Variants in PRMT3 observed in about 807,000 individuals in gnomAD.
The protein encoded by PRMT3 is protein arginine N-methyltransferase 3.
Under a neutral mutation model 71.9 loss-of-function variants are expected in PRMT3, and 62 were observed. The ratio of observed to expected loss-of-function variants is 0.86; its 90% CI spans 0.70 to 1.07. The LOEUF (loss-of-function observed/expected upper bound fraction) is 1.07, where lower values mean the gene tolerates loss of function less well. Among genes scored for constraint, PRMT3 ranks in the 50% least tolerant of loss-of-function variants. PRMT3 has a pLI of 0.00. For missense variants in PRMT3, 663 were observed against 643.0 expected (o/e 1.03, Z -0.34); for synonymous variants, 213 against 220.4 (o/e 0.97, Z 0.30).
At chr11:20,493,623 G>GTC (rs900706193) in intron 13 of PRMT3, among the ~76,000 whole-genome samples, 1 of 151,104 alleles carries the variant, frequency 6.6e-6, no homozygotes, top group East Asian at 1.9e-4. Context: ...GGCCAGCTGA[G>GTC]TCTCTCTCTC....
At chr11:20,500,919 A>C (rs1380831455) in intron 15 of PRMT3, among the ~76,000 whole-genome samples, 1 of 151,984 alleles carries the variant, frequency 6.6e-6, no homozygotes, top group African/African-American at 2.4e-5. Flanking sequence ...ATAAAATACA[A>C]ACTCCTATGT....
intron 15 of PRMT3, among the ~76,000 whole-genome samples, chr11:20,501,112 TC>T (rs1050388819): frequency 1.6e-4 from 24 of 152,324 alleles, no homozygotes; most frequent in African/African-American, 5.8e-4. Flanking sequence ...CTTGATAAAT[TC>T]CAATTTACCC....
intron 5 of PRMT3, among the ~76,000 whole-genome samples, chr11:20,394,391 A>G (rs947596786): frequency 6.6e-6 from 1 of 152,196 alleles, no homozygotes; most frequent in Non-Finnish European, 1.5e-5. Flanking sequence ...CTTGCCCAGG[A>G]TGAAAAATTA....
chr11:20,437,565 T>A lies in PRMT3; in HGVS notation c.993+10700T>A, dbSNP rs573323416. Among the ~76,000 whole-genome samples the A allele has an allele frequency of 6.6e-5, 10 of 151,590 alleles. No individual in the cohort carries two copies. In the South Asian group the frequency reaches 2.1e-3, roughly 32 times the overall value. On this transcript the variant is annotated intron_variant, in intron 10 of 15. Transcript: ENST00000331079. ...CAGTGGTATAGGCTGTAGAAGTTTG[T>A]GGCAGTGGTGGCAGCAGCATAGTTT...
chr11:20,428,045 A>G (rs1190135328), intron 10 of PRMT3, among the ~76,000 whole-genome samples: 4 of 151,056 alleles, frequency 2.6e-5, no homozygotes, highest in Non-Finnish European at 5.9e-5. Flanking sequence ...TGACAGTCAC[A>G]GTTGTTGACA....
chr11:20,439,827 A>G (rs1025988634), intron 10 of PRMT3, among the ~76,000 whole-genome samples: 8 of 152,216 alleles, frequency 5.3e-5, no homozygotes, highest in African/African-American at 1.4e-4. Context: ...AGCAGCCTGT[A>G]TACTCTTATG....
At position 20,420,131 on chromosome 11, in the gene PRMT3, C is replaced by T. The variant is rs1376943992; in HGVS notation, c.894-6635C>T. Among the ~76,000 whole-genome samples the T allele has an allele frequency of 2.0e-5, 3 of 152,070 alleles. No homozygotes were observed. In the East Asian group the frequency reaches 5.8e-4, roughly 29 times the overall value. ...AGGTTGCAGTGAGCTGAGATCGTGC[C>T]ACAGCACTCTAGCCTGGGTGATAGA... On this transcript the variant is annotated intron_variant, in intron 9 of 15. Coordinates refer to ENST00000331079, the MANE Select transcript of PRMT3 (RefSeq NM_005788.4).
intron 13 of PRMT3, among the ~76,000 whole-genome samples, chr11:20,482,816 AAAGACAAGTCAAGTCAAAAATTTG>A (rs1850972447): frequency 1.1e-3 from 1 of 944 alleles, no homozygotes. Flanking sequence ...CTCCTCATGG[AAAGACAAGTCAAGTCAAAAATTTG>A]GAAAGACAAG....
At chr11:20,412,738 T>G (rs200822429) in intron 9 of PRMT3, among the ~76,000 whole-genome samples, 1 of 8,804 alleles carries the variant, frequency 1.1e-4, no homozygotes, top group Non-Finnish European at 4.9e-3. Context: ...CTAACATTAA[T>G]TTAGTTTTTT....
chr11:20,484,853 G>GCTAT (rs1851033761), intron 13 of PRMT3, among the ~76,000 whole-genome samples: 1 of 152,162 alleles, frequency 6.6e-6, no homozygotes, highest in South Asian at 2.1e-4. Flanking sequence ...AAAGTTAAAT[G>GCTAT]CTATCTGTTT....
In PRMT3 at chr11:20,424,140, C is replaced by T. The variant is rs941558447; in HGVS notation, c.894-2626C>T. On this transcript the variant is annotated intron_variant, in intron 9 of 15. Coordinates refer to ENST00000331079, the MANE Select transcript of PRMT3 (RefSeq NM_005788.4). Reference sequence around the variant, plus strand: ...TGGAGCTTACAGTGAGCCGAGATCGCGCCACTGCACTCCAGCCTGGGCAAC... The same window carrying T: ...TGGAGCTTACAGTGAGCCGAGATCGTGCCACTGCACTCCAGCCTGGGCAAC... Among the ~76,000 whole-genome samples, 8 of 148,320 alleles carry T rather than the reference C, an allele frequency of 5.4e-5. 1 individual carries two copies. Among genetic ancestry groups the T allele is most frequent in the African/African-American group, 7.5e-5 (3 of 40,016 alleles).
chr11:20,428,609 T>G (rs2133354959), intron 10 of PRMT3, among the ~76,000 whole-genome samples: 1 of 152,338 alleles, frequency 6.6e-6, no homozygotes, highest in South Asian at 2.1e-4. Context: ...TTCATGAGAT[T>G]GTCTTTATGA....
At chr11:20,463,470 TTC>T (rs1300537274) in intron 12 of PRMT3, among the ~76,000 whole-genome samples, 3 of 152,112 alleles carry the variant, frequency 2.0e-5, no homozygotes, top group Non-Finnish European at 4.4e-5. Context: ...GGTTGCTGAT[TTC>T]TCTCTCTAGT....
chr11:20,423,873 T>TA (rs58636447), intron 9 of PRMT3, among the ~76,000 whole-genome samples: 786 of 27,088 alleles, frequency 0.029, 67 homozygotes, highest in African/African-American at 0.076. Flanking sequence ...GATTCTCTCT[T>TA]AAAAAAAAAA....
intron 10 of PRMT3, among the ~76,000 whole-genome samples, chr11:20,444,081 C>T (rs1163334146): frequency 6.6e-6 from 1 of 152,082 alleles, no homozygotes; most frequent in East Asian, 1.9e-4. Context: ...TTAGGAGCTT[C>T]TCTGACAGAT....
chr11:20,429,509 C>G (rs1234057170), intron 10 of PRMT3, among the ~76,000 whole-genome samples: 3 of 152,184 alleles, frequency 2.0e-5, no homozygotes, highest in African/African-American at 7.2e-5. Context: ...CCTCTCTCTT[C>G]ATCAGGAAGG....
At chr11:20,391,042 G>T (rs1354665840) in intron 3 of PRMT3, among the ~76,000 whole-genome samples, 1 of 84,910 alleles carries the variant, frequency 1.2e-5, no homozygotes, top group Non-Finnish European at 2.6e-5. Flanking sequence ...AGACTGAGAC[G>T]CCGTCTCAAA....
chr11:20,444,232 T>C (rs1156961580), intron 10 of PRMT3, among the ~76,000 whole-genome samples: 1 of 152,214 alleles, frequency 6.6e-6, no homozygotes, highest in African/African-American at 2.4e-5. Context: ...TACCAGTTTC[T>C]AGTATATCTG....
At chr11:20,505,749 C>T (rs1044315596) in intron 15 of PRMT3, among the ~76,000 whole-genome samples, 1 of 151,812 alleles carries the variant, frequency 6.6e-6, no homozygotes, top group Non-Finnish European at 1.5e-5. Flanking sequence ...TTTATTTCTT[C>T]CTTAGGTTAA....
Sources: allele counts gnomAD v4.1 joint callset (sites outside exome capture counted in the v4.1 genomes callset), GRCh38; gene constraint gnomAD v4.1.1; transcripts MANE v1.5; gene names NCBI Gene and HGNC (gene_info 2026-07-23, HGNC 2026-07-21).